The following ARFGEF3 variants were observed in gnomAD, a reference collection of about 807,000 sequenced individuals.
The protein encoded by ARFGEF3 is ARFGEF family member 3, also known as brefeldin A-inhibited guanine nucleotide-exchange protein 3.
Under a neutral mutation model 221.7 loss-of-function variants are expected in ARFGEF3, and 96 were observed. That is an observed-to-expected ratio of 0.43 (90% CI 0.37 to 0.51). The LOEUF is 0.51. Ranked by LOEUF, ARFGEF3 falls within the 20% of genes least tolerant of loss-of-function variation. The pLI is 0.00. For missense variants in ARFGEF3, 2,410 were observed against 2,789.9 expected, an observed-to-expected ratio of 0.86 and a Z score of 3.07; for synonymous variants, 1,145 against 1,126.8, an observed-to-expected ratio of 1.02 and a Z score of -0.32.
intron 3 of ARFGEF3, among the ~76,000 whole-genome samples, chr6:138,208,042 G>C (rs1777655539): frequency 6.6e-6 from 1 of 152,116 alleles, no homozygotes; most frequent in Admixed American, 6.6e-5. Context: ...TTTCTCCAAG[G>C]TAATTGGGCC....
At chr6:138,245,130 G>A (rs1778462416) in intron 7 of ARFGEF3, among the ~76,000 whole-genome samples, 1 of 152,036 alleles carries the variant, frequency 6.6e-6, no homozygotes, top group Non-Finnish European at 1.5e-5. Context: ...AGTGAAACCT[G>A]TCTCGACTAA....
At chr6:138,308,556 C>T (rs1583060403) in intron 23 of ARFGEF3, among the ~76,000 whole-genome samples, 183 bp from the exon 24 acceptor site, 1 of 152,162 alleles carries the variant, frequency 6.6e-6, no homozygotes, top group South Asian at 2.1e-4. Context: ...AGCTGCTCCC[C>T]TGCCGGCAGA....
At chr6:138,300,677 C>T (rs1395216146) in intron 22 of ARFGEF3, among the ~76,000 whole-genome samples, 1 of 152,152 alleles carries the variant, frequency 6.6e-6, no homozygotes, top group Non-Finnish European at 1.5e-5. Context: ...ATTACTTTTG[C>T]ACCAACATAA....
chr6:138,269,190 G>C (rs1359104331), intron 12 of ARFGEF3, among the ~76,000 whole-genome samples: 1 of 152,212 alleles, frequency 6.6e-6, no homozygotes, highest in Non-Finnish European at 1.5e-5. Flanking sequence ...GGCAGCCACA[G>C]ACCTGCAACC....
chr6:138,279,890 C>G, intron 13 of ARFGEF3, 109 bp from the exon 14 acceptor site: 1 of 1,071,136 alleles, frequency 9.3e-7, no homozygotes, highest in East Asian at 2.4e-5. Flanking sequence ...AATACACAAG[C>G]CTTGGTTTAG....
At chr6:138,327,601 G>A (rs1318518669) in intron 31 of ARFGEF3, among the ~76,000 whole-genome samples, 1 of 152,154 alleles carries the variant, frequency 6.6e-6, no homozygotes, top group Non-Finnish European at 1.5e-5. Flanking sequence ...GGCCCTATCA[G>A]TAACCATCAG....
intron 5 of ARFGEF3, among the ~76,000 whole-genome samples, chr6:138,236,842 G>GA (rs1055063108): frequency 9.9e-5 from 15 of 152,264 alleles, no homozygotes; most frequent in African/African-American, 3.6e-4. Context: ...GGTTATTTGA[G>GA]AAAATGAATT....
Position 138,321,907 on chromosome 6 carries a change from G to A in ARFGEF3, c.4766+682G>A, listed in dbSNP as rs184436578. ...AGCTTTAATGGACTTACAGTTCCAC[G>A]TGGCTGGGGAGGCCTCACAATCATG... On this transcript the variant is annotated intron_variant, in intron 29 of 33. Transcript: ENST00000251691. 2.3e-4 allele frequency among the ~76,000 whole-genome samples: 35 copies of A among 151,898 alleles called. No homozygotes were observed. In the East Asian group the frequency reaches 3.7e-3, roughly 16 times the overall value.
rs1338743196 is a variant in ARFGEF3 at position 138,341,481 on chromosome 6, T to TC, written c.*4996dup. 1 of 154,792 alleles carries TC rather than the reference T, an allele frequency of 6.5e-6. No homozygotes were observed. Among genetic ancestry groups the TC allele is most frequent in the African/African-American group, 2.4e-5 (1 of 41,520 alleles). The allele number at this position is 154,792 out of a possible 1,614,324, so 9.6% of individuals were successfully genotyped here. A position where few individuals can be genotyped will look rare whatever the true frequency, so the allele number is the denominator to read the frequency against. ...CTTGCAGTAAGCAGATGACAAAACT[T>TC]CAATATGCTTGGGCACCACTTAGGT... On this transcript the variant is annotated 3_prime_UTR_variant, in exon 34 of 34. Coordinates refer to ENST00000251691, the MANE Select transcript of ARFGEF3 (RefSeq NM_020340.5).
At chr6:138,268,125 G>A (rs203147) in intron 12 of ARFGEF3, among the ~76,000 whole-genome samples, 63,491 of 151,956 alleles carry the variant, frequency 0.42, 14,576 homozygotes, top group East Asian at 0.82. Context: ...TCCATCTCTG[G>A]ACTGAGGCAT....
In ARFGEF3 at chr6:138,337,925, A is replaced by G. The variant is rs1780360976; in HGVS notation, c.*1439A>G. On this transcript the variant is annotated 3_prime_UTR_variant, in exon 34 of 34. Coordinates refer to ENST00000251691, the MANE Select transcript of ARFGEF3 (RefSeq NM_020340.5). ...GAATAAGTCACCCTTTAAATATAAG[A>G]CACAAATTCTACAGTATTGAAATAA... 6.6e-6 allele frequency: 1 copy of G among 152,220 alleles called. No homozygotes were observed. Among genetic ancestry groups the G allele is most frequent in the Admixed American group, 6.5e-5 (1 of 15,288 alleles). The allele number at this position is 152,220 out of a possible 1,614,324, so 9.4% of individuals were successfully genotyped here. A position where few individuals can be genotyped will look rare whatever the true frequency, so the allele number is the denominator to read the frequency against.
At chr6:138,171,172 C>T (rs1456340063) in intron 2 of ARFGEF3, among the ~76,000 whole-genome samples, 2 of 151,714 alleles carry the variant, frequency 1.3e-5, no homozygotes, top group East Asian at 1.9e-4. Context: ...GATAGCATAG[C>T]ATTTTACTTG....
intron 4 of ARFGEF3, among the ~76,000 whole-genome samples, chr6:138,225,010 G>A (rs900374680): frequency 6.6e-6 from 1 of 152,168 alleles, no homozygotes. Flanking sequence ...GGGTTGGTGG[G>A]AGGGCAGTGG....
At chr6:138,240,965 G>A (rs553712825) in intron 6 of ARFGEF3, among the ~76,000 whole-genome samples, 2 of 152,190 alleles carry the variant, frequency 1.3e-5, no homozygotes, top group Middle Eastern at 3.4e-3. Context: ...TAAAATCTCA[G>A]GACCCCCAAA....
rs1779134165 is a variant in ARFGEF3 at position 138,278,302 on chromosome 6, C to T, written c.2129-149C>T. On this transcript the variant is annotated intron_variant, in intron 12 of 33. Coordinates refer to ENST00000251691, the MANE Select transcript of ARFGEF3 (RefSeq NM_020340.5). ...CACCAGGCTGGGGTGTGTATCTGGC[C>T]CTAAGGATATTCCTGGCTAGCTGTC... The T allele has an allele frequency of 1.0e-5, 8 of 764,264 alleles. No homozygotes were observed. In the South Asian group the frequency reaches 1.4e-4, roughly 13 times the overall value. 47.3% of individuals were successfully genotyped at this position (764,264 alleles called of 1,614,324 possible). A position where few individuals can be genotyped will look rare whatever the true frequency, so the allele number is the denominator to read the frequency against.
In ARFGEF3 at chr6:138,344,460, G is replaced by A. The variant is rs1310233461; in HGVS notation, c.*7974G>A. The A allele has an allele frequency of 1.3e-5, 2 of 152,028 alleles. No homozygotes were observed. The highest frequency in any genetic ancestry group is 2.9e-5 in the Non-Finnish European group (2 of 67,994). 9.4% of individuals were successfully genotyped at this position (152,028 alleles called of 1,614,324 possible). On this transcript the variant is annotated 3_prime_UTR_variant, in exon 34 of 34. Transcript: ENST00000251691. ...ATAACTGATTTTATAGAATCTGTCT[G>A]TTCTTTGTTTAACAGGTCTCTGTAA...
chr6:138,209,126 T>TG (rs1327614894), intron 3 of ARFGEF3, among the ~76,000 whole-genome samples: 1 of 152,186 alleles, frequency 6.6e-6, no homozygotes, highest in Non-Finnish European at 1.5e-5. Flanking sequence ...CATTTTCTGA[T>TG]GGGGACATAC....
At chr6:138,324,834 G>A (rs1225817539) in intron 31 of ARFGEF3, among the ~76,000 whole-genome samples, 3 of 152,194 alleles carry the variant, frequency 2.0e-5, no homozygotes, top group South Asian at 2.1e-4. Flanking sequence ...GTAGTATCAC[G>A]AGCTACAGAT....
chr6:138,229,702 T>G, intron 4 of ARFGEF3, 82 bp from the exon 5 acceptor site: 1 of 1,052,770 alleles, frequency 9.5e-7, no homozygotes, highest in South Asian at 1.3e-5. Context: ...AAAACAGGAC[T>G]GCACAAATGG....
Sources: gnomAD v4.1 joint callset for allele counts (sites outside exome capture counted in the v4.1 genomes callset) on GRCh38, gnomAD v4.1.1 for gene constraint, MANE v1.5 for transcripts, NCBI Gene and HGNC (gene_info 2026-07-23, HGNC 2026-07-21) for gene names.